The following CCDC122 variants were observed in gnomAD, a reference collection of about 807,000 sequenced individuals.
The protein encoded by CCDC122 is coiled-coil domain containing 122, also known as coiled-coil domain-containing protein 122.
CCDC122 carries 38 observed loss-of-function variants against 37.0 expected under a neutral mutation model. That is an observed-to-expected ratio of 1.03 (90% CI 0.79 to 1.35). The LOEUF (loss-of-function observed/expected upper bound fraction) is 1.35. Ranked by LOEUF, CCDC122 falls within the 40% of genes most tolerant of loss-of-function variation. The pLI is 0.00. For missense variants in CCDC122, 305 were observed against 310.0 expected, an observed-to-expected ratio of 0.98 and a Z score of 0.12; for synonymous variants, 83 against 95.6, an observed-to-expected ratio of 0.87 and a Z score of 0.77.
At chr13:43,843,500 A>C (rs1953424094) in intron 6 of CCDC122, among the ~76,000 whole-genome samples, 1 of 151,914 alleles carries the variant, frequency 6.6e-6, no homozygotes, top group African/African-American at 2.4e-5. Flanking sequence ...CATGAGGGAC[A>C]TTGGTCTGTA....
At chr13:43,877,967 T>C (rs1223467423) in intron 1 of CCDC122, 2 of 152,004 alleles carry the variant, frequency 1.3e-5, no homozygotes, top group African/African-American at 2.4e-5. Flanking sequence ...TGGAGTAGGA[T>C]AGAGTGAAAA....
intron 6 of CCDC122, among the ~76,000 whole-genome samples, chr13:43,857,526 TTTTC>T (rs1414129982): frequency 6.6e-6 from 1 of 152,060 alleles, no homozygotes; most frequent in Non-Finnish European, 1.5e-5. Context: ...ATTTCAACAT[TTTTC>T]TTTATTTTTC....
At chr13:43,833,468 A>G (rs756293237), downstream of CCDC122, among the ~76,000 whole-genome samples, 1 of 152,216 alleles carries the variant, frequency 6.6e-6, no homozygotes, top group African/African-American at 2.4e-5. Flanking sequence ...TTGCTGAGCC[A>G]TTAAAAGCAC....
At chr13:43,857,977 T>C (rs1000225338) in intron 6 of CCDC122, among the ~76,000 whole-genome samples, 1 of 152,206 alleles carries the variant, frequency 6.6e-6, no homozygotes, top group Non-Finnish European at 1.5e-5. Flanking sequence ...TTACTATTTA[T>C]TGTTTTATAA....
At chr13:43,852,148 T>G (rs1391918524) in intron 6 of CCDC122, among the ~76,000 whole-genome samples, 1 of 151,968 alleles carries the variant, frequency 6.6e-6, no homozygotes, top group Admixed American at 6.6e-5. Context: ...ATGGCTTAAA[T>G]GACAGAAATA....
At chr13:43,858,245 TCATC>T (rs1953989123) in intron 6 of CCDC122, 1 of 152,230 alleles carries the variant, frequency 6.6e-6, no homozygotes, top group Non-Finnish European at 1.5e-5. Context: ...TGTTCACCAT[TCATC>T]CAAACAATAA....
rs956970006 is a variant in CCDC122, at chr13:43,859,827, C to T, written c.400G>A (p.Ala134Thr). The change falls in exon 5 of 7, where the codon GCA becomes ACA. Residue 134 changes from alanine to threonine, a missense_variant. Physicochemically the swap from Ala to Thr is moderately conservative, Grantham distance 58. Transcript: ENST00000444614. ...ACTTCCCCCAAACTATTTTTATGTG[C>T]TTTTATTTTTGCATAATATGCATTA... is the stretch of plus-strand genomic sequence containing the variant. ...KYNAYYAKIK[A>T]HKNSLGEVES... is the part of the protein sequence containing the mutation. 2 of 1,606,718 alleles carry T rather than the reference C, an allele frequency of 1.2e-6. No homozygotes were observed. The highest frequency in any genetic ancestry group is 1.1e-5 in the South Asian group (1 of 89,496).
intron 6 of CCDC122, among the ~76,000 whole-genome samples, chr13:43,839,043 T>C (rs1200426856): frequency 6.6e-6 from 1 of 152,188 alleles, no homozygotes; most frequent in African/African-American, 2.4e-5. Flanking sequence ...TCAAGAGATA[T>C]CTTGTGGTCA....
chr13:43,848,933 G>A (rs1272449833), intron 6 of CCDC122: 1 of 973,958 alleles, frequency 1.0e-6, no homozygotes, highest in Non-Finnish European at 1.2e-6. Context: ...TTTGGTATTG[G>A]AATTCACCTT....
downstream of CCDC122, among the ~76,000 whole-genome samples, chr13:43,823,102 C>A (rs1953007569): frequency 6.6e-6 from 1 of 152,086 alleles, no homozygotes; most frequent in South Asian, 2.1e-4. Context: ...TGGTGTACTA[C>A]CTGGGTACTG....
At chr13:43,850,986 C>A (rs1953708345) in intron 6 of CCDC122, among the ~76,000 whole-genome samples, 1 of 151,860 alleles carries the variant, frequency 6.6e-6, no homozygotes, top group Non-Finnish European at 1.5e-5. Flanking sequence ...TATAGGAAAA[C>A]CAATTTGAAT....
chr13:43,830,573 G>A (rs1953080331), intron 3 of CCDC122, among the ~76,000 whole-genome samples: 1 of 152,132 alleles, frequency 6.6e-6, no homozygotes, highest in Non-Finnish European at 1.5e-5. Flanking sequence ...TTTTGGAGGC[G>A]AAAGCATGAC....
At chr13:43,863,455 G>A (rs377603525) in intron 4 of CCDC122, among the ~76,000 whole-genome samples, 34 of 152,190 alleles carry the variant, frequency 2.2e-4, no homozygotes, top group African/African-American at 7.7e-4. Context: ...CAGTTTTCCA[G>A]TGGGCATACA....
chr13:43,876,778 TA>T (rs929170942), intron 1 of CCDC122, among the ~76,000 whole-genome samples: 4 of 152,226 alleles, frequency 2.6e-5, no homozygotes, highest in African/African-American at 9.6e-5. Context: ...CTATGTTTAA[TA>T]TTTTGGAAAG....
At chr13:43,878,384 T>A (rs549675962) in intron 1 of CCDC122, among the ~76,000 whole-genome samples, 22 of 152,230 alleles carry the variant, frequency 1.4e-4, no homozygotes, top group African/African-American at 5.1e-4. Flanking sequence ...AAAGAAAACA[T>A]GAATTTTGAC....
intron 6 of CCDC122, among the ~76,000 whole-genome samples, chr13:43,841,529 A>G (rs1033403748): frequency 1.3e-5 from 2 of 152,144 alleles, no homozygotes; most frequent in Non-Finnish European, 2.9e-5. Flanking sequence ...TTTATTGGTC[A>G]TACTATGTCT....
chr13:43,826,170 T>C (rs931141352), intron 3 of CCDC122, among the ~76,000 whole-genome samples: 25 of 152,290 alleles, frequency 1.6e-4, no homozygotes, highest in Non-Finnish European at 1.2e-4. Context: ...TTTTCCCCCA[T>C]TATTTGGTAA....
chr13:43,878,749 T>A (rs1350748903), intron 1 of CCDC122, among the ~76,000 whole-genome samples: 1 of 152,218 alleles, frequency 6.6e-6, no homozygotes, highest in Non-Finnish European at 1.5e-5. Flanking sequence ...TGCACCTTTA[T>A]CATGATTTTA....
At chr13:43,845,239 C>T (rs1307101925) in intron 6 of CCDC122, among the ~76,000 whole-genome samples, 3 of 152,146 alleles carry the variant, frequency 2.0e-5, no homozygotes, top group Non-Finnish European at 4.4e-5. Flanking sequence ...AAGAACCTTA[C>T]AACAAAAGGC....
Sources: allele counts gnomAD v4.1 joint callset (sites outside exome capture counted in the v4.1 genomes callset), GRCh38; gene constraint gnomAD v4.1.1; transcripts MANE v1.5; gene names NCBI Gene and HGNC (gene_info 2026-07-23, HGNC 2026-07-21).